WAPL: variants seen among roughly 807,000 people sequenced by gnomAD.
WAPL encodes wings apart-like protein homolog.
In WAPL, 5 loss-of-function variants were observed where a neutral mutation model predicts 121.0. The ratio of observed to expected loss-of-function variants is 0.04; its 90% CI spans 0.02 to 0.09. WAPL has a LOEUF of 0.09. Among genes scored for constraint, WAPL ranks in the 10% least tolerant of loss-of-function variants. The pLI, the probability that WAPL is intolerant of heterozygous loss-of-function variation, is 1.00. For missense variants in WAPL, 999 were observed against 1,410.8 expected (o/e 0.71, Z 4.68); for synonymous variants, 480 against 481.5 (o/e 1.00, Z 0.04).
chr10:86,441,691 T>C (rs940348447), intron 17 of WAPL, among the ~76,000 whole-genome samples: 6 of 151,756 alleles, frequency 4.0e-5, no homozygotes, highest in African/African-American at 1.2e-4. Context: ...GGACAACATG[T>C]GGAGGACAGC....
At chr10:86,517,173 G>A (rs1245959170) in intron 2 of WAPL, among the ~76,000 whole-genome samples, 1 of 152,160 alleles carries the variant, frequency 6.6e-6, no homozygotes, top group East Asian at 1.9e-4. Context: ...AGTTTTGGCA[G>A]AGAGTCTACC....
At chr10:86,461,350 T>C in intron 9 of WAPL, 63 bp from the exon 10 acceptor site, 1 of 1,368,236 alleles carries the variant, frequency 7.3e-7, no homozygotes, top group Non-Finnish European at 1.0e-6. Flanking sequence ...AAATTGTTTC[T>C]CTTTACAAAA....
chr10:86,505,325 T>G (rs1481540301), intron 2 of WAPL, among the ~76,000 whole-genome samples: 1 of 131,562 alleles, frequency 7.6e-6, no homozygotes, highest in Admixed American at 7.8e-5. Flanking sequence ...TTTTTTTTTT[T>G]GGAGACAGAG....
At chr10:86,444,892 C>CAAAAAAAAAAAAAAAA (rs35307250) in intron 16 of WAPL, among the ~76,000 whole-genome samples, 1 of 68,194 alleles carries the variant, frequency 1.5e-5, no homozygotes, top group Non-Finnish European at 2.8e-5. Context: ...GTTATTACGC[C>CAAAAAAAAAAAAAAAA]AAAAAAAAAA....
chr10:86,497,060 T>G (rs1186500786), intron 4 of WAPL, 141 bp downstream of exon 4: 1 of 654,936 alleles, frequency 1.5e-6, no homozygotes, highest in Non-Finnish European at 2.5e-6. Flanking sequence ...AAAAAATGGT[T>G]ATATCTGAAA....
At chr10:86,452,224 T>A in intron 14 of WAPL, 93 bp from the exon 15 acceptor site, 1 of 1,221,880 alleles carries the variant, frequency 8.2e-7, no homozygotes, top group Non-Finnish European at 1.1e-6. Context: ...ACTAAAAAGC[T>A]GAATATCAGT....
At chr10:86,488,237 A>T (rs1258601484) in intron 4 of WAPL, among the ~76,000 whole-genome samples, 2 of 152,254 alleles carry the variant, frequency 1.3e-5, no homozygotes, top group African/African-American at 2.4e-5. Flanking sequence ...GAAACAGTAT[A>T]TGCATATTTT....
chr10:86,471,035 A>G lies in WAPL; in HGVS notation c.2099T>C (p.Val700Ala). The G allele has an allele frequency of 6.2e-7, 1 of 1,614,014 alleles. No homozygotes were observed. Among genetic ancestry groups the G allele is most frequent in the Non-Finnish European group, 8.5e-7 (1 of 1,179,974 alleles). Reference sequence around the variant, plus strand: ...ATCCAAGGTTTTAAAGACCATTGCTACCATCCCATGTGCTCTCAGGTGCAT... The same window carrying G: ...ATCCAAGGTTTTAAAGACCATTGCTGCCATCCCATGTGCTCTCAGGTGCAT... ...FRMHLRAHGMVAMVFKTLDDS... is the reference protein window; with the variant it reads ...FRMHLRAHGMAAMVFKTLDDS... The change falls in exon 8 of 19, where the codon GTA becomes GCA. Residue 700 changes from valine (V) to alanine (A), a missense_variant. Transcript: ENST00000298767.
intron 16 of WAPL, among the ~76,000 whole-genome samples, chr10:86,445,329 T>A (rs905033530): frequency 6.6e-6 from 1 of 152,196 alleles, no homozygotes; most frequent in African/African-American, 2.4e-5. Context: ...ATATTTTTGA[T>A]TTGTGGTTGG....
chr10:86,460,732 A>G (rs1299140243), intron 10 of WAPL, among the ~76,000 whole-genome samples: 1 of 148,354 alleles, frequency 6.7e-6, no homozygotes, highest in Non-Finnish European at 1.5e-5. Context: ...TTTTTTTTTG[A>G]GATGGAGTTT....
intron 4 of WAPL, among the ~76,000 whole-genome samples, chr10:86,494,342 T>G (rs1396134075): frequency 2.6e-5 from 4 of 152,170 alleles, no homozygotes; most frequent in African/African-American, 4.8e-5. Context: ...CAAGCCAAAC[T>G]AGCTACTTTT....
At chr10:86,497,075 G>T in intron 4 of WAPL, 126 bp downstream of exon 4, 1 of 758,108 alleles carries the variant, frequency 1.3e-6, no homozygotes, top group East Asian at 2.8e-5. Flanking sequence ...CTGAAAAAAC[G>T]ACTTACACAT....
At chr10:86,450,012 T>C (rs1840939828) in intron 15 of WAPL, among the ~76,000 whole-genome samples, 1 of 152,158 alleles carries the variant, frequency 6.6e-6, no homozygotes, top group Admixed American at 6.5e-5. Flanking sequence ...ATGAAAATGG[T>C]GAAACTGAAT....
chr10:86,477,940 C>T (rs1009152879), intron 4 of WAPL, among the ~76,000 whole-genome samples: 1 of 151,232 alleles, frequency 6.6e-6, no homozygotes, highest in Admixed American at 6.6e-5. Context: ...CTGTAATCCC[C>T]GCTACTCAGG....
intron 12 of WAPL, among the ~76,000 whole-genome samples, chr10:86,458,785 A>C (rs1211364208): frequency 6.6e-6 from 1 of 152,188 alleles, no homozygotes; most frequent in East Asian, 1.9e-4. Flanking sequence ...ATACAGCTGA[A>C]ATTATCAAGC....
intron 3 of WAPL, among the ~76,000 whole-genome samples, chr10:86,497,860 GA>G (rs1842179643): frequency 1.3e-5 from 2 of 152,202 alleles, no homozygotes; most frequent in Non-Finnish European, 1.5e-5. Flanking sequence ...AAAGTTTAAT[GA>G]TTTGTCGGTC....
intron 2 of WAPL, among the ~76,000 whole-genome samples, chr10:86,507,858 C>T (rs149692410): frequency 9.9e-5 from 15 of 152,200 alleles, no homozygotes; most frequent in East Asian, 5.8e-4. Flanking sequence ...CCTGTCCGGG[C>T]ACTCAGCATT....
chr10:86,463,147 G>A (rs1841327485), intron 9 of WAPL, among the ~76,000 whole-genome samples: 1 of 152,148 alleles, frequency 6.6e-6, no homozygotes, highest in South Asian at 2.1e-4. Flanking sequence ...AGAGGAACAG[G>A]CCGCAAGATG....
intron 4 of WAPL, among the ~76,000 whole-genome samples, chr10:86,482,793 A>G (rs550554718): frequency 1.3e-5 from 2 of 152,208 alleles, no homozygotes; most frequent in South Asian, 2.1e-4. Flanking sequence ...TCATAGGAAC[A>G]AAGAGTGGAA....
Sources: allele counts gnomAD v4.1 joint callset (sites outside exome capture counted in the v4.1 genomes callset), GRCh38; gene constraint gnomAD v4.1.1; transcripts MANE v1.5; gene names NCBI Gene and HGNC (gene_info 2026-07-23, HGNC 2026-07-21).